Variants in SORCS1 observed in about 807,000 individuals in gnomAD.
The protein encoded by SORCS1 is VPS10 domain-containing receptor SorCS1.
SORCS1 carries 60 observed loss-of-function variants against 146.1 expected under a neutral mutation model. That is an observed-to-expected ratio of 0.41 (90% CI 0.33 to 0.51). The LOEUF is 0.51. Ranked by LOEUF, SORCS1 falls within the 20% of genes least tolerant of loss-of-function variation. The probability of loss-of-function intolerance (pLI) is 0.21; values close to 1 mark genes in which losing one functional copy is unlikely to be tolerated. For missense variants in SORCS1, 1,352 were observed against 1,487.6 expected (o/e 0.91, Z 1.50); for synonymous variants, 637 against 584.0 (o/e 1.09, Z -1.31).
chr10:106,715,905 A>AC (rs1345758445), intron 6 of SORCS1, among the ~76,000 whole-genome samples: 2 of 152,058 alleles, frequency 1.3e-5, no homozygotes, highest in African/African-American at 4.8e-5. Flanking sequence ...GGCGCATGCC[A>AC]CCACGCCTGG....
intron 2 of SORCS1, among the ~76,000 whole-genome samples, chr10:106,906,893 A>T (rs984017678): frequency 3.3e-5 from 5 of 152,244 alleles, no homozygotes; most frequent in Non-Finnish European, 5.9e-5. Context: ...TTGGTTGAGG[A>T]AATGTGCCAT....
intron 2 of SORCS1, among the ~76,000 whole-genome samples, chr10:106,844,331 T>G (rs192425573): frequency 1.3e-5 from 2 of 152,210 alleles, no homozygotes; most frequent in African/African-American, 4.8e-5. Flanking sequence ...TATTCCCACA[T>G]TTTGCTTTTG....
At position 106,776,577 on chromosome 10, in the gene SORCS1, G is replaced by C; in HGVS notation, c.842C>G (p.Pro281Arg). 6.2e-7 allele frequency: 1 copy of C among 1,613,968 alleles called. No individual in the cohort carries two copies. Among genetic ancestry groups the C allele is most frequent in the African/African-American group, 1.3e-5 (1 of 75,026 alleles). The change falls in exon 4 of 26, where the codon CCC becomes CGC. Residue 281 changes from proline to arginine, a missense_variant. Pro to Arg is a moderately radical substitution (Grantham distance 103). This residue lies in a region of SORCS1 where 490 missense variants were observed against 489.1 expected (regional missense o/e 1.00). Coordinates refer to ENST00000263054, the MANE Select transcript of SORCS1 (RefSeq NM_052918.5). ...TGCCAGAATCCAGTCTTCTTGTTTG[G>C]GGTGAAAAAGCAAGCTTTGAATGTA... ...NFYIQSLLFH[P>R]KQEDWILAYS...
chr10:106,799,871 A>G (rs1482633125), intron 3 of SORCS1, among the ~76,000 whole-genome samples: 1 of 152,228 alleles, frequency 6.6e-6, no homozygotes, highest in Non-Finnish European at 1.5e-5. Flanking sequence ...GTATGTCTTT[A>G]TCAGCAGCAT....
chr10:106,735,165 C>A (rs1307719781), intron 5 of SORCS1, among the ~76,000 whole-genome samples: 9 of 105,344 alleles, frequency 8.5e-5, no homozygotes, highest in Non-Finnish European at 1.7e-4. Context: ...AAAAAAAATT[C>A]TTGACATATC....
chr10:107,054,852 T>C (rs572592311), intron 1 of SORCS1, among the ~76,000 whole-genome samples: 6 of 152,318 alleles, frequency 3.9e-5, no homozygotes, highest in Admixed American at 3.9e-4. Context: ...ATAATGCAAT[T>C]AATAGTGAAC....
At chr10:107,104,910 A>T (rs1199946201) in intron 1 of SORCS1, among the ~76,000 whole-genome samples, 2 of 152,232 alleles carry the variant, frequency 1.3e-5, no homozygotes, top group African/African-American at 4.8e-5. Context: ...GGGAAATAGG[A>T]TCTGGAAGAA....
chr10:107,079,546 C>T (rs1214838938), intron 1 of SORCS1, among the ~76,000 whole-genome samples: 1 of 152,204 alleles, frequency 6.6e-6, no homozygotes, highest in Non-Finnish European at 1.5e-5. Context: ...CAATTTTTTG[C>T]TACATCTTGC....
chr10:106,923,848 T>C (rs541713870), intron 2 of SORCS1, among the ~76,000 whole-genome samples: 15 of 152,374 alleles, frequency 9.8e-5, no homozygotes, highest in African/African-American at 3.4e-4. Context: ...TTTTTTATTA[T>C]TGAGTTGTAA....
At chr10:106,600,776 C>T in intron 23 of SORCS1, 2 of 954,074 alleles carry the variant, frequency 2.1e-6, no homozygotes, top group Non-Finnish European at 2.5e-6. Context: ...TGAGACTAGA[C>T]TTTGGCTTTG....
chr10:107,021,722 G>T (rs1958155675), intron 1 of SORCS1, among the ~76,000 whole-genome samples: 1 of 151,908 alleles, frequency 6.6e-6, no homozygotes, highest in South Asian at 2.1e-4. Flanking sequence ...AATTGATAAA[G>T]TATCTTCCCT....
intron 2 of SORCS1, among the ~76,000 whole-genome samples, chr10:106,866,927 C>G (rs375760943): frequency 1.3e-5 from 2 of 152,322 alleles, no homozygotes; most frequent in African/African-American, 4.8e-5. Flanking sequence ...CCTCTCGTAA[C>G]TCAAGTGGCC....
intron 1 of SORCS1, among the ~76,000 whole-genome samples, chr10:107,044,615 A>G (rs1959215638): frequency 6.7e-6 from 1 of 150,296 alleles, no homozygotes; most frequent in South Asian, 2.1e-4. Flanking sequence ...CAAGATCAGG[A>G]GTTTGAAACC....
chr10:107,177,391 C>G, the SORCS1 span, among the ~76,000 whole-genome samples: 1 of 152,124 alleles, frequency 6.6e-6, no homozygotes, highest in Non-Finnish European at 1.5e-5. Context: ...GAATTACAAT[C>G]AGGATATTGA....
chr10:107,003,606 T>C (rs560699333), intron 1 of SORCS1, among the ~76,000 whole-genome samples: 1 of 152,178 alleles, frequency 6.6e-6, no homozygotes, highest in East Asian at 1.9e-4. Flanking sequence ...AATCTAGCCA[T>C]AAAAATGCAC....
At chr10:106,599,419 A>AGGAGAAGG (rs1482688283) in intron 23 of SORCS1, among the ~76,000 whole-genome samples, 1 of 151,362 alleles carries the variant, frequency 6.6e-6, no homozygotes, top group Non-Finnish European at 1.5e-5. Context: ...GGGAAGGAGA[A>AGGAGAAGG]GGAGAAGTGG....
In SORCS1 at chr10:106,998,575, C is replaced by T. The variant is rs1324720645; in HGVS notation, c.559-41995G>A. 2.6e-5 allele frequency among the ~76,000 whole-genome samples: 4 copies of T among 152,310 alleles called. No individual in the cohort carries two copies. In the East Asian group the frequency reaches 7.7e-4, roughly 29 times the overall value. On this transcript the variant is annotated intron_variant, in intron 1 of 25. Coordinates refer to ENST00000263054, the MANE Select transcript of SORCS1 (RefSeq NM_052918.5). Reference sequence around the variant, plus strand: ...CAACTTGACCTGGAACAAAAATAAGCTGTATTAGATACTTTCAGATATACA... The same window carrying T: ...CAACTTGACCTGGAACAAAAATAAGTTGTATTAGATACTTTCAGATATACA...
At chr10:107,156,382 A>G (rs2134877459) in intron 1 of SORCS1, among the ~76,000 whole-genome samples, 1 of 152,326 alleles carries the variant, frequency 6.6e-6, no homozygotes, top group South Asian at 2.1e-4. Flanking sequence ...GGATAACAGT[A>G]CGTAGTTCAT....
chr10:107,012,533 TATC>T (rs34569851), intron 1 of SORCS1, among the ~76,000 whole-genome samples: 1,826 of 152,334 alleles, frequency 0.012, 23 homozygotes, highest in Middle Eastern at 0.024. Flanking sequence ...ATGAGAAAGA[TATC>T]ATCATCCTCA....
Sources: allele counts gnomAD v4.1 joint callset (sites outside exome capture counted in the v4.1 genomes callset), GRCh38; gene constraint gnomAD v4.1.1; regional missense constraint gnomAD v4.1.1; transcripts MANE v1.5; gene names NCBI Gene and HGNC (gene_info 2026-07-23, HGNC 2026-07-21).